The following ITK variants were observed in gnomAD, a reference collection of about 807,000 sequenced individuals.
ITK encodes the protein IL2 inducible T cell kinase.
A neutral mutation model predicts 87.6 loss-of-function variants in ITK; 45 were observed. The ratio of observed to expected loss-of-function variants is 0.51; its 90% CI spans 0.40 to 0.66. The LOEUF (loss-of-function observed/expected upper bound fraction) is 0.66, where lower values mean the gene tolerates loss of function less well. Ranked by LOEUF, ITK falls within the 30% of genes least tolerant of loss-of-function variation. ITK has a pLI of 0.00. For missense variants in ITK, 605 were observed against 766.3 expected (o/e 0.79, Z 2.48); for synonymous variants, 303 against 273.6 (o/e 1.11, Z -1.06).
At chr5:157,246,626 G>A (rs1470125458) in intron 15 of ITK, among the ~76,000 whole-genome samples, 1 of 152,168 alleles carries the variant, frequency 6.6e-6, no homozygotes, top group East Asian at 1.9e-4. Context: ...CAGTAATGGG[G>A]CAGAGTGACT....
At chr5:157,244,502 C>A in intron 13 of ITK, 24 bp downstream of exon 13, 1 of 1,339,854 alleles carries the variant, frequency 7.5e-7, no homozygotes, top group Non-Finnish European at 1.1e-6. Flanking sequence ...GGGTGAACAC[C>A]CACAGGTCCA....
chr5:157,215,427 TG>T (rs1056472446), intron 4 of ITK, among the ~76,000 whole-genome samples: 1 of 152,114 alleles, frequency 6.6e-6, no homozygotes, highest in African/African-American at 2.4e-5. Context: ...CCCTGCACCT[TG>T]GGGAAAAAAG....
Position 157,252,678 on chromosome 5 carries a change from G to A in ITK, c.1863G>A (p.Ter621=), listed in dbSNP as rs1293534046. Residue 621 remains the stop codon, a stop_retained_variant, in exon 17 of 17, where the codon TAG becomes TAA. Coordinates refer to ENST00000422843, the MANE Select transcript of ITK (RefSeq NM_005546.4). ...QLAEIAESGL[*] ...CTGAAATTGCAGAATCAGGACTTTA[G>A]TAGAGACTGAGTACCAGGCCACGGG... The A allele has an allele frequency of 3.7e-6, 6 of 1,609,712 alleles. No individual in the cohort carries two copies. Among genetic ancestry groups the A allele is most frequent in the South Asian group, 3.3e-5 (3 of 91,008 alleles).
At chr5:157,243,434 C>G (rs1754954190) in intron 11 of ITK, among the ~76,000 whole-genome samples, 189 bp from the exon 12 acceptor site, 1 of 152,046 alleles carries the variant, frequency 6.6e-6, no homozygotes. Context: ...TGTTACCTTC[C>G]CACACATATT....
In ITK at chr5:157,241,648, C is replaced by T. The variant is rs779756017; in HGVS notation, c.988C>T (p.Leu330=). ...INYHQHNGGG[L]VTRLRYPVCF... is the part of the protein sequence containing the mutation. ...TCTTGGCTTTTCAATCAACCCAGGC[C>T]TGGTGACTCGACTCCGGTATCCAGT... Residue 330 remains leucine (L), a splice_region_variant and synonymous_variant, in exon 11 of 17, where the codon CTG becomes TTG. Transcript: ENST00000422843. The T allele has an allele frequency of 1.2e-6, 2 of 1,613,544 alleles. No individual in the cohort carries two copies. Among genetic ancestry groups the T allele is most frequent in the South Asian group, 2.2e-5 (2 of 91,072 alleles).
At chr5:157,235,763 C>G (rs1015815962) in intron 8 of ITK, among the ~76,000 whole-genome samples, 3 of 152,236 alleles carry the variant, frequency 2.0e-5, no homozygotes, top group African/African-American at 7.2e-5. Context: ...ATCAGTCCAT[C>G]TGTTCACAAT....
At chr5:157,221,295 A>G (rs1754407704) in intron 5 of ITK, among the ~76,000 whole-genome samples, 1 of 152,116 alleles carries the variant, frequency 6.6e-6, no homozygotes, top group Non-Finnish European at 1.5e-5. Flanking sequence ...TTCCAAAATG[A>G]TGAACAACTC....
rs1267669788 is a variant in ITK at position 157,180,960 on chromosome 5, C to T, written c.-18C>T. On this transcript the variant is annotated 5_prime_UTR_variant, in exon 1 of 17. Transcript: ENST00000422843. The stretch of plus-strand genomic sequence containing the variant: ...AAGAGGTGATGCCCAAGGTGCACCA[C>T]CTTTCAAGAACTGGATCATGAACAA... 2.5e-6 allele frequency: 4 copies of T among 1,613,230 alleles called. No homozygotes were observed. Among genetic ancestry groups the T allele is most frequent in the East Asian group, 2.2e-5 (1 of 44,870 alleles).
intron 3 of ITK, chr5:157,213,609 T>C (rs752878914): frequency 2.9e-5 from 13 of 450,646 alleles, no homozygotes; most frequent in Admixed American, 7.4e-5. Flanking sequence ...CTAGAACTCC[T>C]GGACTCAAGT....
chr5:157,198,760 T>C (rs1753901399), intron 1 of ITK, among the ~76,000 whole-genome samples: 2 of 152,284 alleles, frequency 1.3e-5, no homozygotes, highest in South Asian at 2.1e-4. Context: ...CATATCTTTT[T>C]TGTTTTGTTT....
chr5:157,218,704 A>G (rs962619387), intron 5 of ITK, among the ~76,000 whole-genome samples: 2 of 152,226 alleles, frequency 1.3e-5, no homozygotes, highest in African/African-American at 4.8e-5. Flanking sequence ...TCAAATCCCA[A>G]GACAGGTCTT....
intron 3 of ITK, 148 bp from the exon 4 acceptor site, chr5:157,214,043 C>T (rs35974048): frequency 1.5e-5 from 11 of 754,034 alleles, no homozygotes; most frequent in South Asian, 2.8e-5. Context: ...TGCATTTATG[C>T]GCTCAGATCA....
chr5:157,191,840 A>G (rs150648903), intron 1 of ITK, among the ~76,000 whole-genome samples: 93 of 152,326 alleles, frequency 6.1e-4, no homozygotes, highest in African/African-American at 2.1e-3. Flanking sequence ...AAAGCAGTAT[A>G]CATAATATAG....
intron 1 of ITK, among the ~76,000 whole-genome samples, chr5:157,198,445 C>G (rs1397528643): frequency 6.6e-6 from 1 of 152,126 alleles, no homozygotes; most frequent in Non-Finnish European, 1.5e-5. Flanking sequence ...CACATGGTAA[C>G]CCACAGTGCG....
intron 1 of ITK, among the ~76,000 whole-genome samples, chr5:157,190,773 A>C: frequency 6.6e-6 from 1 of 152,196 alleles, no homozygotes; most frequent in Non-Finnish European, 1.5e-5. Context: ...GCAAGTACAA[A>C]GACCCTGAGG....
chr5:157,219,046 T>C (rs1244913464), intron 5 of ITK, among the ~76,000 whole-genome samples: 2 of 151,374 alleles, frequency 1.3e-5, no homozygotes, highest in African/African-American at 4.8e-5. Context: ...GAAAGGATCA[T>C]GACCTTTAGG....
At chr5:157,188,726 G>T (rs1404316221) in intron 1 of ITK, among the ~76,000 whole-genome samples, 1 of 152,178 alleles carries the variant, frequency 6.6e-6, no homozygotes, top group African/African-American at 2.4e-5. Context: ...AGACTCAAGC[G>T]ATCCTCTCGA....
At chr5:157,219,972 G>A (rs932121268) in intron 5 of ITK, among the ~76,000 whole-genome samples, 2 of 152,202 alleles carry the variant, frequency 1.3e-5, no homozygotes, top group African/African-American at 4.8e-5. Context: ...CAAAGGTTTT[G>A]GAATCATTGT....
chr5:157,236,289 C>G (rs1172278249), intron 8 of ITK, among the ~76,000 whole-genome samples: 1 of 151,794 alleles, frequency 6.6e-6, no homozygotes, highest in Admixed American at 6.6e-5. Flanking sequence ...GGAAGACAGT[C>G]ACTTGAACCC....
Sources: gnomAD v4.1 joint callset for allele counts (sites outside exome capture counted in the v4.1 genomes callset) on GRCh38, gnomAD v4.1.1 for gene constraint, MANE v1.5 for transcripts, NCBI Gene and HGNC (gene_info 2026-07-23, HGNC 2026-07-21) for gene names.